WDR47: variants seen among roughly 807,000 people sequenced by gnomAD.
WDR47 encodes WD repeat-containing protein 47.
A neutral mutation model predicts 97.2 loss-of-function variants in WDR47; 32 were observed. The ratio of observed to expected loss-of-function variants is 0.33; its 90% CI spans 0.25 to 0.44. The LOEUF (loss-of-function observed/expected upper bound fraction) is 0.44. Ranked by LOEUF, WDR47 falls within the 20% of genes least tolerant of loss-of-function variation. The pLI, the probability that WDR47 is intolerant of heterozygous loss-of-function variation, is 1.00. For missense variants in WDR47, 782 were observed against 1,102.3 expected, an observed-to-expected ratio of 0.71 and a Z score of 4.11; for synonymous variants, 375 against 373.5, an observed-to-expected ratio of 1.00 and a Z score of -0.05.
intron 1 of WDR47, among the ~76,000 whole-genome samples, chr1:109,034,260 C>T (rs1180202667): frequency 6.6e-6 from 1 of 152,202 alleles, no homozygotes; most frequent in Non-Finnish European, 1.5e-5. Flanking sequence ...TGCCCTCTGG[C>T]CTAGGCAACA....
intron 13 of WDR47, among the ~76,000 whole-genome samples, chr1:108,976,510 C>T (rs1657911667): frequency 6.6e-6 from 1 of 152,136 alleles, no homozygotes; most frequent in Non-Finnish European, 1.5e-5. Flanking sequence ...AATCATTACT[C>T]CCTTAGGCCA....
chr1:109,022,439 T>C (rs1661911042), intron 2 of WDR47, among the ~76,000 whole-genome samples: 1 of 4,562 alleles, frequency 2.2e-4, no homozygotes, highest in African/African-American at 2.4e-4. Context: ...CTTTACCTTT[T>C]CAAAGTCCGA....
At chr1:108,979,781 G>A (rs1332311110) in intron 13 of WDR47, among the ~76,000 whole-genome samples, 3 of 152,144 alleles carry the variant, frequency 2.0e-5, no homozygotes, top group African/African-American at 7.2e-5. Flanking sequence ...AGTAGTCATT[G>A]TTTACATTAT....
At chr1:109,025,354 C>T (rs892554502) in intron 1 of WDR47, among the ~76,000 whole-genome samples, 2 of 151,258 alleles carry the variant, frequency 1.3e-5, no homozygotes, top group African/African-American at 4.9e-5. Context: ...TCACTGGAGC[C>T]CCAGAAGTTG....
At chr1:109,029,875 C>CAA (rs1423020814) in intron 1 of WDR47, among the ~76,000 whole-genome samples, 3 of 96,106 alleles carry the variant, frequency 3.1e-5, no homozygotes, top group Admixed American at 2.3e-4. Context: ...GACTTCGTCT[C>CAA]AAAAAAAAAA....
At chr1:109,026,120 C>T (rs112489814) in intron 1 of WDR47, among the ~76,000 whole-genome samples, 8 of 152,108 alleles carry the variant, frequency 5.3e-5, no homozygotes, top group African/African-American at 1.2e-4. Context: ...GACCATGGCC[C>T]ACTGCAGCCT....
chr1:109,002,424 C>T (rs184606), intron 6 of WDR47, 22 bp from the exon 7 acceptor site: 1,538,581 of 1,544,098 alleles, frequency 1, 766,668 homozygotes, highest in East Asian at 1. Flanking sequence ...TAGAAAAAAA[C>T]ATATATATTT....
At chr1:109,036,300 G>A (rs749782607) in intron 1 of WDR47, among the ~76,000 whole-genome samples, 18 of 152,018 alleles carry the variant, frequency 1.2e-4, no homozygotes, top group East Asian at 7.7e-4. Flanking sequence ...TAGGCCAGGC[G>A]CGGTGGCTCA....
At chr1:109,003,852 C>T (rs778667235) in intron 6 of WDR47, among the ~76,000 whole-genome samples, 15 of 152,098 alleles carry the variant, frequency 9.9e-5, no homozygotes, top group Non-Finnish European at 2.1e-4. Flanking sequence ...CTCACAAAAA[C>T]ACCAAAGAAA....
chr1:109,017,850 G>A (rs1034508116), intron 2 of WDR47, among the ~76,000 whole-genome samples: 1 of 151,308 alleles, frequency 6.6e-6, no homozygotes, highest in African/African-American at 2.4e-5. Context: ...GTGTTCAAGC[G>A]ATTCTCCTGC....
intron 6 of WDR47, 97 bp downstream of exon 6, chr1:109,004,495 C>T: frequency 1.4e-6 from 2 of 1,386,080 alleles, no homozygotes; most frequent in South Asian, 1.6e-5. Context: ...ATTTCCTACT[C>T]CCAAATATCA....
chr1:109,001,103 C>T (rs559493537), intron 7 of WDR47, among the ~76,000 whole-genome samples: 1 of 152,108 alleles, frequency 6.6e-6, no homozygotes, highest in South Asian at 2.1e-4. Flanking sequence ...GCCTGGCCAA[C>T]ACAATGAAAC....
In WDR47 at chr1:108,981,745, ATGT is replaced by A. The variant is rs762919836; in HGVS notation, c.2383_2385del (p.Thr795del). On this transcript the variant is annotated inframe_deletion, in exon 13 of 15. Coordinates refer to ENST00000369962, the MANE Select transcript of WDR47 (RefSeq NM_001142551.2). The stretch of plus-strand genomic sequence containing the variant: ...AAGAAAAACCTACCAGTTCCATGAA[ATGT>A]TGTGCCAACAACACGAACACAACTT... The A allele has an allele frequency of 3.1e-6, 5 of 1,612,362 alleles. No individual in the cohort carries two copies. In the Admixed American group the frequency reaches 5.0e-5, roughly 16 times the overall value.
Position 109,011,285 on chromosome 1 carries a change from G to A in WDR47, c.761C>T (p.Ser254Phe), listed in dbSNP as rs777660379. The part of the protein sequence containing the change: ...LLSWLQNLPS[S>F]VFSCAFEQKM... ...CTGTTCAAAAGCACAAGAGAAGACA[G>A]AAGATGGAAGATTCTGAAGCCATGA... is the stretch of plus-strand genomic sequence containing the variant. The change falls in exon 5 of 15, where the codon TCT becomes TTT. Residue 254 changes from serine (S) to phenylalanine (F), a missense_variant. Physicochemically the swap from Ser to Phe is radical, Grantham distance 155. Coordinates refer to ENST00000369962, the MANE Select transcript of WDR47 (RefSeq NM_001142551.2). The A allele has an allele frequency of 1.9e-6, 3 of 1,614,046 alleles. No homozygotes were observed. Among genetic ancestry groups the A allele is most frequent in the Admixed American group, 1.7e-5 (1 of 59,990 alleles).
chr1:109,024,628 G>T (rs942505198), intron 1 of WDR47, among the ~76,000 whole-genome samples: 5 of 152,114 alleles, frequency 3.3e-5, no homozygotes, highest in Non-Finnish European at 7.3e-5. Flanking sequence ...AAGATCATTT[G>T]TTCAACATTC....
intron 9 of WDR47, among the ~76,000 whole-genome samples, chr1:108,987,775 A>G (rs761933296): frequency 2.3e-4 from 35 of 151,976 alleles, no homozygotes; most frequent in Admixed American, 1.6e-3. Context: ...GTTCCAGCCA[A>G]TTGTTTTTAA....
intron 2 of WDR47, among the ~76,000 whole-genome samples, chr1:109,020,939 T>C (rs1661794205): frequency 6.7e-6 from 1 of 148,840 alleles, no homozygotes; most frequent in South Asian, 2.1e-4. Flanking sequence ...CAAGCTGGAA[T>C]ACAATGGTAC....
chr1:109,039,407 G>A (rs113951943), intron 1 of WDR47, among the ~76,000 whole-genome samples: 3 of 152,128 alleles, frequency 2.0e-5, no homozygotes, highest in African/African-American at 7.2e-5. Context: ...ACAGGCACAC[G>A]CCACCATGCC....
chr1:108,994,028 T>C (rs926810246), intron 8 of WDR47, among the ~76,000 whole-genome samples: 3 of 152,182 alleles, frequency 2.0e-5, no homozygotes, highest in East Asian at 1.9e-4. Flanking sequence ...AAAATTGATA[T>C]ATACTGAAAA....
Sources: gnomAD v4.1 joint callset for allele counts (sites outside exome capture counted in the v4.1 genomes callset) on GRCh38, gnomAD v4.1.1 for gene constraint, MANE v1.5 for transcripts, NCBI Gene and HGNC (gene_info 2026-07-23, HGNC 2026-07-21) for gene names.